The following IKZF1 variants were observed in gnomAD, a reference collection of about 807,000 sequenced individuals.
IKZF1 encodes DNA-binding protein Ikaros.
Under a neutral mutation model 51.7 loss-of-function variants are expected in IKZF1, and 10 were observed. The ratio of observed to expected loss-of-function variants is 0.19; its 90% CI spans 0.12 to 0.33. The LOEUF (loss-of-function observed/expected upper bound fraction) is 0.33, where lower values mean the gene tolerates loss of function less well. Among genes scored for constraint, IKZF1 ranks in the 10% least tolerant of loss-of-function variants. IKZF1 has a pLI of 1.00. For missense variants in IKZF1, 484 were observed against 707.5 expected, an observed-to-expected ratio of 0.68 and a Z score of 3.58; for synonymous variants, 280 against 282.3, an observed-to-expected ratio of 0.99 and a Z score of 0.08.
intron 5 of IKZF1, among the ~76,000 whole-genome samples, chr7:50,385,750 C>T (rs186545781): frequency 2.0e-5 from 3 of 152,164 alleles, no homozygotes; most frequent in African/African-American, 2.4e-5. Flanking sequence ...GAAAGGGTAT[C>T]GAGTGGTTAT....
chr7:50,398,764 A>C (rs1408929013), intron 7 of IKZF1, among the ~76,000 whole-genome samples: 1 of 152,246 alleles, frequency 6.6e-6, no homozygotes, highest in Non-Finnish European at 1.5e-5. Context: ...AGACATTCCA[A>C]GGATGGGCTC....
At chr7:50,377,334 A>G (rs1481802032) in intron 4 of IKZF1, 1 of 154,338 alleles carries the variant, frequency 6.5e-6, no homozygotes, top group Non-Finnish European at 1.4e-5. Flanking sequence ...GCCCTCTAAC[A>G]GGAAAGACTT....
chr7:50,400,976 A>C lies in IKZF1; in HGVS notation c.*349A>C. 2.4e-6 allele frequency: 1 copy of C among 408,336 alleles called. No homozygotes were observed. The highest frequency in any genetic ancestry group is 2.0e-5 in the African/African-American group (1 of 49,306). The allele number at this position is 408,336 out of a possible 1,614,324, so 25.3% of individuals were successfully genotyped here. On this transcript the variant is annotated 3_prime_UTR_variant, in exon 8 of 8. Transcript: ENST00000331340. The surrounding 1 kb of genome is among the most constrained non-coding windows in gnomAD (Gnocchi z 5.4). Reference sequence around the variant, plus strand: ...CAGAGAGAAATAGATAAAACACGCCACAGCCTGGGAAGGAGCGTGCTCTAC... The same window carrying C: ...CAGAGAGAAATAGATAAAACACGCCCCAGCCTGGGAAGGAGCGTGCTCTAC...
At position 50,325,757 on chromosome 7, in the gene IKZF1, A is replaced by C. The variant is rs1794812350; in HGVS notation, c.41-1881A>C. ...GCCACTGCACTCCAGCCTGGGTGAC[A>C]GAGCAAGACTCTGTCTCGAAAAAAA... On this transcript the variant is annotated intron_variant, in intron 2 of 7. Coordinates refer to ENST00000331340, the MANE Select transcript of IKZF1 (RefSeq NM_006060.6). Among the ~76,000 whole-genome samples the C allele has an allele frequency of 2.0e-5, 3 of 152,018 alleles. No homozygotes were observed. In the South Asian group the frequency reaches 6.2e-4, roughly 32 times the overall value.
intron 3 of IKZF1, among the ~76,000 whole-genome samples, chr7:50,367,089 A>G (rs1807181631): frequency 6.6e-6 from 1 of 152,210 alleles, no homozygotes; most frequent in Non-Finnish European, 1.5e-5. Flanking sequence ...TTATCCCAAT[A>G]ATTTATTTCC....
At chr7:50,370,514 T>C (rs1808348723) in intron 3 of IKZF1, among the ~76,000 whole-genome samples, 1 of 152,226 alleles carries the variant, frequency 6.6e-6, no homozygotes, top group South Asian at 2.1e-4. Flanking sequence ...GTGGGGTCTC[T>C]CTTAGTACTG....
In IKZF1 at chr7:50,404,058, G is replaced by C. The variant is rs1417130273; in HGVS notation, c.*3431G>C. ...TATTAGACTTATTTAAGATGTACAG[G>C]CATCAGAAAAAAGAAGCACATAATG... is the stretch of plus-strand genomic sequence containing the variant. On this transcript the variant is annotated 3_prime_UTR_variant, in exon 8 of 8. Transcript: ENST00000331340. The C allele has an allele frequency of 4.6e-6, 1 of 215,070 alleles. No individual in the cohort carries two copies. The highest frequency in any genetic ancestry group is 2.3e-5 in the African/African-American group (1 of 44,360). The allele number at this position is 215,070 out of a possible 1,614,324, so 13.3% of individuals were successfully genotyped here. A position where few individuals can be genotyped will look rare whatever the true frequency, so the allele number is the denominator to read the frequency against.
intron 3 of IKZF1, among the ~76,000 whole-genome samples, chr7:50,361,405 A>G (rs1361443699): frequency 6.6e-6 from 1 of 152,222 alleles, no homozygotes; most frequent in Non-Finnish European, 1.5e-5. Context: ...AGGTTACAAC[A>G]CTGGGAAAAT....
intron 2 of IKZF1, among the ~76,000 whole-genome samples, chr7:50,323,021 C>T (rs1053359276): frequency 1.3e-5 from 2 of 151,852 alleles, no homozygotes; most frequent in Admixed American, 1.3e-4. Context: ...GATATGGAAA[C>T]CTTTAGATAT....
chr7:50,306,331 ACAGT>A (rs1788777730), intron 1 of IKZF1, among the ~76,000 whole-genome samples: 2 of 152,204 alleles, frequency 1.3e-5, no homozygotes, highest in South Asian at 4.1e-4. Context: ...CTTAAGTCTC[ACAGT>A]CAATCAGAGC....
intron 3 of IKZF1, chr7:50,369,385 G>A (rs1249784210): frequency 7.6e-6 from 3 of 395,946 alleles, no homozygotes; most frequent in Non-Finnish European, 1.3e-5. Flanking sequence ...ATCGCTGCAT[G>A]TGAAGATGTG....
chr7:50,375,907 G>A (rs1427818480), intron 3 of IKZF1, among the ~76,000 whole-genome samples: 1 of 152,198 alleles, frequency 6.6e-6, no homozygotes, highest in East Asian at 1.9e-4. Context: ...AAATGGTCAT[G>A]TACCAAAGCA....
At chr7:50,337,305 A>G (rs1264923061) in intron 3 of IKZF1, among the ~76,000 whole-genome samples, 1 of 152,168 alleles carries the variant, frequency 6.6e-6, no homozygotes, top group Non-Finnish European at 1.5e-5. Context: ...AGCAGAATAG[A>G]AAGGATTAAA....
Position 50,361,337 on chromosome 7 carries a change from T to C in IKZF1, c.161-15196T>C, listed in dbSNP as rs150178273. On this transcript the variant is annotated intron_variant, in intron 3 of 7. Transcript: ENST00000331340. ...TTCTGTCTACTCAGTGTCTTTAGAATCAGCAAATATCATTTTTACAAAAAA... is the reference window on the plus strand; with the variant it reads ...TTCTGTCTACTCAGTGTCTTTAGAACCAGCAAATATCATTTTTACAAAAAA... Among the ~76,000 whole-genome samples the C allele has an allele frequency of 1.3e-4, 20 of 152,326 alleles. 1 individual carries two copies. Among genetic ancestry groups the C allele is most frequent in the African/African-American group, 4.6e-4 (19 of 41,578 alleles).
intron 4 of IKZF1, among the ~76,000 whole-genome samples, chr7:50,379,837 T>C (rs1811354506): frequency 6.6e-6 from 1 of 152,212 alleles, no homozygotes; most frequent in Admixed American, 6.5e-5. Flanking sequence ...ATAGTATCCA[T>C]GAAGACTTCC....
At chr7:50,304,266 G>C (rs1169493202), upstream of IKZF1, 1 of 150,020 alleles carries the variant, frequency 6.7e-6, no homozygotes, top group African/African-American at 2.4e-5. Context: ...ACGGGGCGGG[G>C]ACGGGACGAC....
At chr7:50,333,443 G>T (rs1211891021) in intron 3 of IKZF1, among the ~76,000 whole-genome samples, 1 of 152,188 alleles carries the variant, frequency 6.6e-6, no homozygotes, top group Admixed American at 6.5e-5. Flanking sequence ...TCTGGAGATT[G>T]GGCAGCAGGC....
At chr7:50,334,536 T>C (rs1797164956) in intron 3 of IKZF1, among the ~76,000 whole-genome samples, 2 of 151,658 alleles carry the variant, frequency 1.3e-5, no homozygotes, top group African/African-American at 4.8e-5. Flanking sequence ...ATGTGTAGTG[T>C]ATATGTGTAT....
At chr7:50,380,360 G>A (rs1043102080) in intron 4 of IKZF1, among the ~76,000 whole-genome samples, 3 of 152,246 alleles carry the variant, frequency 2.0e-5, no homozygotes, top group African/African-American at 2.4e-5. Flanking sequence ...GCCCTGCTCT[G>A]CTCTGCAGAA....
Sources: gnomAD v4.1 joint callset for allele counts (sites outside exome capture counted in the v4.1 genomes callset) on GRCh38, gnomAD v4.1.1 for gene constraint, Gnocchi (gnomAD v3.1) non-coding constraint, MANE v1.5 for transcripts, NCBI Gene and HGNC (gene_info 2026-07-23, HGNC 2026-07-21) for gene names.